The following CCDC148 variants were observed in gnomAD, a reference collection of about 807,000 sequenced individuals.
CCDC148 encodes the protein coiled-coil domain containing 148, also known as coiled-coil domain-containing protein 148.
CCDC148 carries 89 observed loss-of-function variants against 85.7 expected under a neutral mutation model. That is an observed-to-expected ratio of 1.04 (90% CI 0.87 to 1.24). CCDC148 has a LOEUF of 1.24. Among genes scored for constraint, CCDC148 ranks in the 50% most tolerant of loss-of-function variants. The probability of loss-of-function intolerance (pLI) is 0.00; values close to 1 mark genes in which losing one functional copy is unlikely to be tolerated. For synonymous variants in CCDC148, 230 were observed against 213.9 expected, an observed-to-expected ratio of 1.08 and a Z score of -0.66; for missense variants, 692 against 671.7, an observed-to-expected ratio of 1.03 and a Z score of -0.33.
rs775799208 is a variant in CCDC148, at chr2:158,309,512, C to G, written c.1031G>C (p.Cys344Ser). ...CATGCTCTCCATTTCATGTGTTGCA[C>G]AAGCCTCAGTGAGTGTCAGCACAGC... Reference protein sequence around the residue: ...QKAVLTLTEACATHEMESMLA... With the variant: ...QKAVLTLTEASATHEMESMLA... Residue 344 changes from cysteine (C) to serine (S), a missense_variant, in exon 9 of 14, where the codon TGT becomes TCT. Cys to Ser is a moderately radical substitution (Grantham distance 112). Coordinates refer to ENST00000283233, the MANE Select transcript of CCDC148 (RefSeq NM_138803.4). The G allele has an allele frequency of 2.5e-6, 4 of 1,614,006 alleles. No individual in the cohort carries two copies. Among genetic ancestry groups the G allele is most frequent in the African/African-American group, 2.7e-5 (2 of 74,922 alleles).
chr2:158,304,334 C>A (rs1691584039), intron 9 of CCDC148, among the ~76,000 whole-genome samples: 1 of 152,186 alleles, frequency 6.6e-6, no homozygotes, highest in Middle Eastern at 3.2e-3. Context: ...GAGGTTGATA[C>A]TGACCCTTGA....
At chr2:158,332,217 C>G (rs1005167879) in intron 7 of CCDC148, among the ~76,000 whole-genome samples, 2 of 151,988 alleles carry the variant, frequency 1.3e-5, no homozygotes, top group South Asian at 2.1e-4. Context: ...GACAAAATCT[C>G]TCAGCATTTG....
intron 2 of CCDC148, among the ~76,000 whole-genome samples, chr2:158,350,177 G>A (rs1395808485): frequency 2.0e-5 from 3 of 152,138 alleles, no homozygotes; most frequent in Admixed American, 6.5e-5. Context: ...ACAGTGCTGA[G>A]AAATTATTGT....
rs1684745386 is a variant in CCDC148 at position 158,179,129 on chromosome 2, A to C, written c.1371-133T>G. 1.9e-5 allele frequency: 11 copies of C among 569,616 alleles called. 1 individual carries two copies. In the South Asian group the frequency reaches 3.0e-4, roughly 15 times the overall value. The allele number at this position is 569,616 out of a possible 1,614,324, so 35.3% of individuals were successfully genotyped here. A position where few individuals can be genotyped will look rare whatever the true frequency, so the allele number is the denominator to read the frequency against. On this transcript the variant is annotated intron_variant, in intron 11 of 13. Transcript: ENST00000283233. The stretch of plus-strand genomic sequence containing the variant: ...ACATTTTTTTTTTTACTGATTTCTC[A>C]AGTCCAAATCAATAAAAGACACTCA...
chr2:158,195,322 T>C (rs1167184613), intron 11 of CCDC148, among the ~76,000 whole-genome samples: 1 of 152,074 alleles, frequency 6.6e-6, no homozygotes. Context: ...TTTGACAATT[T>C]CACATGAAGG....
At chr2:158,421,277 G>C (rs1392450775) in intron 1 of CCDC148, among the ~76,000 whole-genome samples, 1 of 152,146 alleles carries the variant, frequency 6.6e-6, no homozygotes, top group Non-Finnish European at 1.5e-5. Context: ...CAAATCAACA[G>C]AATACACATT....
chr2:158,232,537 T>C (rs1036666835), intron 10 of CCDC148, among the ~76,000 whole-genome samples: 2 of 152,130 alleles, frequency 1.3e-5, no homozygotes, highest in Non-Finnish European at 2.9e-5. Context: ...TATTTACACA[T>C]AGGAAGCAGA....
intron 9 of CCDC148, among the ~76,000 whole-genome samples, chr2:158,286,287 C>A (rs898157778): frequency 1.3e-5 from 2 of 152,108 alleles, no homozygotes; most frequent in Non-Finnish European, 2.9e-5. Flanking sequence ...AGAGGCTGCT[C>A]TGCCTATGGA....
At position 158,171,140 on chromosome 2, in the gene CCDC148, T is replaced by A. The variant is rs1368012240; in HGVS notation, c.*973A>T. The A allele has an allele frequency of 6.6e-6, 1 of 151,348 alleles. No homozygotes were observed. Among genetic ancestry groups the A allele is most frequent in the Non-Finnish European group, 1.5e-5 (1 of 67,806 alleles). The allele number at this position is 151,348 out of a possible 1,614,324, so 9.4% of individuals were successfully genotyped here. Reference sequence around the variant, plus strand: ...TTTATTTCCATGATGTTGGGGACAATCATAAAGTCAAAGATTCCACTAGTT... The same window carrying A: ...TTTATTTCCATGATGTTGGGGACAAACATAAAGTCAAAGATTCCACTAGTT... On this transcript the variant is annotated 3_prime_UTR_variant, in exon 14 of 14. Transcript: ENST00000283233.
intron 11 of CCDC148, among the ~76,000 whole-genome samples, chr2:158,216,376 A>C (rs1263413669): frequency 6.6e-6 from 1 of 150,476 alleles, no homozygotes; most frequent in Admixed American, 6.7e-5. Flanking sequence ...CAGCAACAAA[A>C]AGCACAATAC....
chr2:158,324,747 A>G (rs892103390), intron 7 of CCDC148, among the ~76,000 whole-genome samples: 2 of 152,158 alleles, frequency 1.3e-5, no homozygotes, highest in Non-Finnish European at 2.9e-5. Context: ...TAGGAAAAAA[A>G]TTGAGTATTT....
Position 158,414,956 on chromosome 2 carries a change from C to T in CCDC148, c.25+41459G>A, listed in dbSNP as rs1199051970. Among the ~76,000 whole-genome samples, 6 of 152,060 alleles carry T rather than the reference C, an allele frequency of 3.9e-5. No individual in the cohort carries two copies. The East Asian group carries it at 5.8e-4, about 15-fold the overall frequency. On this transcript the variant is annotated intron_variant, in intron 1 of 13. Coordinates refer to ENST00000283233, the MANE Select transcript of CCDC148 (RefSeq NM_138803.4). ...TAGACATGAATGTAAAAAGTGTAAA[C>T]GTCTCTGTCACCCATAAAGAGATAA...
chr2:158,452,093 A>C (rs1688428084), intron 1 of CCDC148, among the ~76,000 whole-genome samples: 1 of 152,232 alleles, frequency 6.6e-6, no homozygotes. Flanking sequence ...AACTGATAAA[A>C]GACAGACTGA....
chr2:158,276,983 A>G (rs1359146276), intron 9 of CCDC148, among the ~76,000 whole-genome samples: 1 of 152,262 alleles, frequency 6.6e-6, no homozygotes, highest in African/African-American at 2.4e-5. Flanking sequence ...AATCCACTAC[A>G]GAGATACTGA....
At chr2:158,206,636 T>A (rs897664045) in intron 11 of CCDC148, among the ~76,000 whole-genome samples, 2 of 152,224 alleles carry the variant, frequency 1.3e-5, no homozygotes, top group Admixed American at 6.5e-5. Flanking sequence ...AAATATTTTT[T>A]AATAGATGAA....
intron 1 of CCDC148, among the ~76,000 whole-genome samples, chr2:158,421,092 T>C (rs1686756914): frequency 6.6e-6 from 1 of 152,118 alleles, no homozygotes; most frequent in Non-Finnish European, 1.5e-5. Context: ...ATAAAGCAAG[T>C]TCTTAGAGAC....
At chr2:158,249,879 G>T (rs910758603) in intron 10 of CCDC148, among the ~76,000 whole-genome samples, 2 of 151,988 alleles carry the variant, frequency 1.3e-5, no homozygotes, top group South Asian at 2.1e-4. Flanking sequence ...ATCATTCTTG[G>T]CACTGCAAGC....
chr2:158,411,820 G>A (rs1005012207), intron 1 of CCDC148, among the ~76,000 whole-genome samples: 38 of 152,062 alleles, frequency 2.5e-4, no homozygotes, highest in African/African-American at 9.2e-4. Flanking sequence ...ATACTTTATG[G>A]TCTGGCTTTG....
intron 5 of CCDC148, 96 bp downstream of exon 5, chr2:158,340,146 T>C (rs1682601682): frequency 2.1e-6 from 2 of 975,362 alleles, no homozygotes; most frequent in South Asian, 1.9e-5. Flanking sequence ...TATTAACTAA[T>C]ATACAGGTCA....
Sources: allele counts gnomAD v4.1 joint callset (sites outside exome capture counted in the v4.1 genomes callset), GRCh38; gene constraint gnomAD v4.1.1; transcripts MANE v1.5; gene names NCBI Gene and HGNC (gene_info 2026-07-23, HGNC 2026-07-21).